The following TLX3 variants were observed in gnomAD, a reference collection of about 807,000 sequenced individuals.
TLX3 encodes T cell leukemia homeobox 3.
Under a neutral mutation model 19.6 loss-of-function variants are expected in TLX3, and 11 were observed. That is an observed-to-expected ratio of 0.56 (90% CI 0.35 to 0.93). The LOEUF is 0.93. TLX3 is among the 40% of genes least tolerant of loss of function. TLX3 has a pLI of 0.01. For synonymous variants in TLX3, 221 were observed against 188.1 expected (o/e 1.17, Z -1.43); for missense variants, 375 against 418.6 (o/e 0.90, Z 0.91).
At position 171,310,181 on chromosome 5, in the gene TLX3, C is replaced by G. The variant is rs1289270414; in HGVS notation, c.453C>G (p.Thr151=). 1 of 1,551,728 alleles carries G rather than the reference C, an allele frequency of 6.4e-7. No homozygotes were observed. Among genetic ancestry groups the G allele is most frequent in the East Asian group, 2.4e-5 (1 of 40,934 alleles). Residue 151 remains threonine, a synonymous_variant, in exon 2 of 3, where the codon ACC becomes ACG. Coordinates refer to ENST00000296921, the MANE Select transcript of TLX3 (RefSeq NM_021025.4). ...AAAALTPFTV[T]RRIGHPYQNR... ...CCGCACTCACGCCCTTCACCGTGAC[C>G]CGGCGCATCGGCCACCCCTACCAGA...
At position 171,311,639 on chromosome 5, in the gene TLX3, A is replaced by C. The variant is rs1426579986; in HGVS notation, c.*40A>C. 4.6e-6 allele frequency: 7 copies of C among 1,507,110 alleles called. No homozygotes were observed. The highest frequency in any genetic ancestry group is 5.4e-6 in the Non-Finnish European group (6 of 1,105,998). The allele number at this position is 1,507,110 out of a possible 1,614,324, so 93.4% of individuals were successfully genotyped here. On this transcript the variant is annotated 3_prime_UTR_variant, in exon 3 of 3. Coordinates refer to ENST00000296921, the MANE Select transcript of TLX3 (RefSeq NM_021025.4). The surrounding 1 kb of genome is among the most constrained non-coding windows in gnomAD (Gnocchi z 5.1). ...ACCGTCGCCACGGATCGCCGCCCCCACCCAGCCGGGCGCCCCGGACCCCCC... is the reference window on the plus strand; with the variant it reads ...ACCGTCGCCACGGATCGCCGCCCCCCCCCAGCCGGGCGCCCCGGACCCCCC...
Position 171,311,639 on chromosome 5 carries a change from A to T in TLX3, c.*40A>T, listed in dbSNP as rs1426579986. 6.6e-7 allele frequency: 1 copy of T among 1,507,116 alleles called. No homozygotes were observed. Among genetic ancestry groups the T allele is most frequent in the African/African-American group, 1.4e-5 (1 of 70,664 alleles). The allele number at this position is 1,507,116 out of a possible 1,614,324, so 93.4% of individuals were successfully genotyped here. A position where few individuals can be genotyped will look rare whatever the true frequency, so the allele number is the denominator to read the frequency against. On this transcript the variant is annotated 3_prime_UTR_variant, in exon 3 of 3. Transcript: ENST00000296921. This position sits in a 1 kb window ranked among gnomAD's most constrained non-coding sequence, Gnocchi z 5.1. Reference sequence around the variant, plus strand: ...ACCGTCGCCACGGATCGCCGCCCCCACCCAGCCGGGCGCCCCGGACCCCCC... The same window carrying T: ...ACCGTCGCCACGGATCGCCGCCCCCTCCCAGCCGGGCGCCCCGGACCCCCC...
intron 1 of TLX3, 63 bp downstream of exon 1, chr5:171,309,849 C>A: frequency 6.8e-7 from 1 of 1,478,970 alleles, no homozygotes; most frequent in Non-Finnish European, 8.9e-7. Context: ...GCGCCGCGCC[C>A]TGTGCGCTCC....
chr5:171,310,503 CT>C, intron 2 of TLX3, 110 bp downstream of exon 2: 3 of 1,348,308 alleles, frequency 2.2e-6, no homozygotes, highest in Non-Finnish European at 3.0e-6. Flanking sequence ...CCCCGCCCCC[CT>C]CTGCCTCCCC....
In TLX3 at chr5:171,309,603, C is replaced by T. The variant is rs1464088955; in HGVS notation, c.238C>T (p.Leu80=). The T allele has an allele frequency of 1.2e-5, 20 of 1,606,106 alleles. No individual in the cohort carries two copies. The highest frequency in any genetic ancestry group is 1.7e-5 in the Non-Finnish European group (20 of 1,177,288). ...FEDAGSYSVN[L]SLAPAGVIRV... ...GGACGCGGGATCTTACAGTGTGAAC[C>T]TGAGCCTAGCGCCCGCAGGCGTGAT... The change falls in exon 1 of 3, where the codon CTG becomes TTG. Residue 80 remains leucine (L), a synonymous_variant. Coordinates refer to ENST00000296921, the MANE Select transcript of TLX3 (RefSeq NM_021025.4).
rs1769224710 is a variant in TLX3, at chr5:171,311,633, GC to G, written c.*39del. Reference sequence around the variant, plus strand: ...GCGCGCACCGTCGCCACGGATCGCCGCCCCCACCCAGCCGGGCGCCCCGGAC... The same window carrying G: ...GCGCGCACCGTCGCCACGGATCGCCGCCCCACCCAGCCGGGCGCCCCGGAC... On this transcript the variant is annotated 3_prime_UTR_variant, in exon 3 of 3. Coordinates refer to ENST00000296921, the MANE Select transcript of TLX3 (RefSeq NM_021025.4). The surrounding 1 kb of genome is among the most constrained non-coding windows in gnomAD (Gnocchi z 5.1). 2.6e-6 allele frequency: 4 copies of G among 1,541,490 alleles called. No homozygotes were observed. Among genetic ancestry groups the G allele is most frequent in the Non-Finnish European group, 3.5e-6 (4 of 1,131,694 alleles).
Position 171,311,427 on chromosome 5 carries a change from A to G in TLX3, c.704A>G (p.Gln235Arg). ...TAEEREAERQ[Q>R]ASRLMLQLQH... Reference sequence around the variant, plus strand: ...GAGGAGCGGGAGGCGGAGCGGCAGCAGGCGAGCCGGCTCATGCTGCAGCTG... The same window carrying G: ...GAGGAGCGGGAGGCGGAGCGGCAGCGGGCGAGCCGGCTCATGCTGCAGCTG... Residue 235 changes from glutamine to arginine, a missense_variant, in exon 3 of 3, where the codon CAG becomes CGG. Physicochemically the swap from Gln to Arg is conservative, Grantham distance 43. Coordinates refer to ENST00000296921, the MANE Select transcript of TLX3 (RefSeq NM_021025.4). The surrounding 1 kb of genome is among the most constrained non-coding windows in gnomAD (Gnocchi z 5.1). 6.4e-7 allele frequency: 1 copy of G among 1,560,946 alleles called. No individual in the cohort carries two copies. Among genetic ancestry groups the G allele is most frequent in the South Asian group, 1.2e-5 (1 of 85,338 alleles).
In TLX3 at chr5:171,311,942, G is replaced by A. The variant is rs910671323; in HGVS notation, c.*343G>A. 4.7e-6 allele frequency: 1 copy of A among 211,858 alleles called. No homozygotes were observed. Among genetic ancestry groups the A allele is most frequent in the African/African-American group, 2.3e-5 (1 of 43,780 alleles). The allele number at this position is 211,858 out of a possible 1,614,324, so 13.1% of individuals were successfully genotyped here. A position where few individuals can be genotyped will look rare whatever the true frequency, so the allele number is the denominator to read the frequency against. On this transcript the variant is annotated 3_prime_UTR_variant, in exon 3 of 3. Coordinates refer to ENST00000296921, the MANE Select transcript of TLX3 (RefSeq NM_021025.4). The surrounding 1 kb of genome is among the most constrained non-coding windows in gnomAD (Gnocchi z 5.1). ...GCCCAAACGTGTAAATAATAAAAAA[G>A]TTTTGGCTTTTTTCTTTAGAAACCG...
chr5:171,310,420 T>C, intron 2 of TLX3, 27 bp downstream of exon 2: 21 of 1,607,686 alleles, frequency 1.3e-5, no homozygotes, highest in Non-Finnish European at 1.8e-5. Context: ...CCGGCCCACC[T>C]TACACCTGCC....
chr5:171,310,253 G>T lies in TLX3; in HGVS notation c.525G>T (p.Arg175=). The T allele has an allele frequency of 6.4e-7, 1 of 1,570,916 alleles. No homozygotes were observed. The highest frequency in any genetic ancestry group is 1.9e-5 in the Admixed American group (1 of 53,462). Reference sequence around the variant, plus strand: ...AGAAGCCGCGCACGTCCTTTTCCCGGGTGCAGATCTGCGAGCTGGAAAAGC... The same window carrying T: ...AGAAGCCGCGCACGTCCTTTTCCCGTGTGCAGATCTGCGAGCTGGAAAAGC... The part of the protein sequence containing the change: ...KRKKPRTSFS[R]VQICELEKRF... The change falls in exon 2 of 3, where the codon CGG becomes CGT. Residue 175 remains arginine (R), a synonymous_variant. Transcript: ENST00000296921.
rs1561842882 is a variant in TLX3 at position 171,310,395 on chromosome 5, T to A, written c.665+2T>A. ...CCAAAACCGGAGGACCAAGTGGCGG[T>A]GAGAGAGGCCTGACCCGGCCCACCT... On this transcript the variant is annotated splice_donor_variant, in intron 2 of 2. Coordinates refer to ENST00000296921, the MANE Select transcript of TLX3 (RefSeq NM_021025.4). LOFTEE classifies it high-confidence loss of function. 1 of 1,612,702 alleles carries A rather than the reference T, an allele frequency of 6.2e-7. No individual in the cohort carries two copies. Among genetic ancestry groups the A allele is most frequent in the African/African-American group, 1.3e-5 (1 of 74,986 alleles).
At chr5:171,310,960 T>C (rs1769209674) in intron 2 of TLX3, among the ~76,000 whole-genome samples, 1 of 152,154 alleles carries the variant, frequency 6.6e-6, no homozygotes, top group South Asian at 2.1e-4. Context: ...AGACAGGCCC[T>C]GGGCGAACTG....
intron 1 of TLX3, 111 bp from the exon 2 acceptor site, chr5:171,310,039 C>T: frequency 2.1e-6 from 3 of 1,437,882 alleles, no homozygotes; most frequent in Admixed American, 2.7e-5. Context: ...CGCGCGCGAC[C>T]AGCGAAATAG....
Position 171,310,237 on chromosome 5 carries a change from G to T in TLX3, c.509G>T (p.Arg170Leu). Reference protein sequence around the residue: ...NRTPPKRKKPRTSFSRVQICE... With the variant: ...NRTPPKRKKPLTSFSRVQICE... ...ACGCCGCCCAAGCGTAAGAAGCCGC[G>T]CACGTCCTTTTCCCGGGTGCAGATC... The change falls in exon 2 of 3, where the codon CGC becomes CTC. Residue 170 changes from arginine (R) to leucine (L), a missense_variant. Physicochemically the swap from Arg to Leu is moderately radical, Grantham distance 102. Transcript: ENST00000296921. 1.3e-6 allele frequency: 2 copies of T among 1,561,820 alleles called. No individual in the cohort carries two copies. The highest frequency in any genetic ancestry group is 1.7e-6 in the Non-Finnish European group (2 of 1,153,182).
At position 171,311,553 on chromosome 5, in the gene TLX3, GGGA is replaced by G. The variant is rs1561843260; in HGVS notation, c.837_839del (p.Glu279del). ...TTTGCTCTGCAGAATCTGCAGCCCT[GGGA>G]GGAGGATAGTTCCAAGGTTCCCGCT... On this transcript the variant is annotated inframe_deletion, in exon 3 of 3. Coordinates refer to ENST00000296921, the MANE Select transcript of TLX3 (RefSeq NM_021025.4). This position sits in a 1 kb window ranked among gnomAD's most constrained non-coding sequence, Gnocchi z 5.1. 1 of 1,613,122 alleles carries G rather than the reference GGGA, an allele frequency of 6.2e-7. No homozygotes were observed. Among genetic ancestry groups the G allele is most frequent in the Admixed American group, 1.7e-5 (1 of 59,976 alleles).
Position 171,311,114 on chromosome 5 carries a change from CT to C in TLX3, c.666-272del, listed in dbSNP as rs1440964644. Among the ~76,000 whole-genome samples, 1 of 152,212 alleles carries C rather than the reference CT, an allele frequency of 6.6e-6. No homozygotes were observed. The highest frequency in any genetic ancestry group is 1.5e-5 in the Non-Finnish European group (1 of 68,032). On this transcript the variant is annotated intron_variant, in intron 2 of 2. Coordinates refer to ENST00000296921, the MANE Select transcript of TLX3 (RefSeq NM_021025.4). This position sits in a 1 kb window ranked among gnomAD's most constrained non-coding sequence, Gnocchi z 5.1. ...CTTGCTATCTGGCGAAAGGAACAAT[CT>C]TTATTGTTGGTGAAGCCACAATACC...
At position 171,311,252 on chromosome 5, in the gene TLX3, C is replaced by T; in HGVS notation, c.666-137C>T. 2 of 677,900 alleles carry T rather than the reference C, an allele frequency of 3.0e-6. No homozygotes were observed. Among genetic ancestry groups the T allele is most frequent in the East Asian group, 2.8e-5 (1 of 35,724 alleles). 42.0% of individuals were successfully genotyped at this position (677,900 alleles called of 1,614,324 possible). ...GGATATAAGAGCCTCGGGCGTAAAG[C>T]GCGGGCTGGGAGGCAGACGGGTTCT... On this transcript the variant is annotated intron_variant, in intron 2 of 2. Coordinates refer to ENST00000296921, the MANE Select transcript of TLX3 (RefSeq NM_021025.4). This position sits in a 1 kb window ranked among gnomAD's most constrained non-coding sequence, Gnocchi z 5.1.
rs1256282145 is a variant in TLX3 at position 171,310,355 on chromosome 5, G to A, written c.627G>A (p.Gln209=). The change falls in exon 2 of 3, where the codon CAG becomes CAA. Residue 209 remains glutamine (Q), a synonymous_variant. Transcript: ENST00000296921. ...LAKSLKMTDA[Q]VKTWFQNRRT... is the part of the protein sequence containing the mutation. ...AGTCCCTCAAAATGACGGACGCGCA[G>A]GTCAAGACCTGGTTCCAAAACCGGA... 2 of 1,613,744 alleles carry A rather than the reference G, an allele frequency of 1.2e-6. No individual in the cohort carries two copies. Among genetic ancestry groups the A allele is most frequent in the East Asian group, 2.2e-5 (1 of 44,870 alleles).
chr5:171,310,521 C>G (rs1769202157), intron 2 of TLX3, 128 bp downstream of exon 2: 2 of 1,142,286 alleles, frequency 1.8e-6, no homozygotes, highest in Admixed American at 5.7e-5. Context: ...CCCCCAAACA[C>G]ACCCCCACCC....
Sources: allele counts gnomAD v4.1 joint callset (sites outside exome capture counted in the v4.1 genomes callset), GRCh38; gene constraint gnomAD v4.1.1; non-coding constraint Gnocchi (gnomAD v3.1); transcripts MANE v1.5; gene names NCBI Gene and HGNC (gene_info 2026-07-23, HGNC 2026-07-21).